ZFHX3: variants seen among roughly 807,000 people sequenced by gnomAD.
The protein encoded by ZFHX3 is zinc finger homeobox 3.
Under a neutral mutation model 279.1 loss-of-function variants are expected in ZFHX3, and 42 were observed. The observed-to-expected ratio is 0.15, with a 90% CI of 0.12 to 0.19. The LOEUF (loss-of-function observed/expected upper bound fraction) is 0.19. Among genes scored for constraint, ZFHX3 ranks in the 10% least tolerant of loss-of-function variants. The pLI, the probability that ZFHX3 is intolerant of heterozygous loss-of-function variation, is 1.00. For missense variants in ZFHX3, 4,981 were observed against 4,754.0 expected (o/e 1.05, Z -1.40); for synonymous variants, 2,293 against 1,957.8 (o/e 1.17, Z -4.52).
chr16:73,003,623 C>T (rs1963585054), intron 1 of ZFHX3, among the ~76,000 whole-genome samples: 1 of 151,860 alleles, frequency 6.6e-6, no homozygotes, highest in Admixed American at 6.6e-5. Flanking sequence ...GGAGAGTCGC[C>T]TGAACCAGGG....
intron 5 of ZFHX3, among the ~76,000 whole-genome samples, chr16:73,149,073 G>A (rs976941473): frequency 6.7e-6 from 1 of 148,350 alleles, no homozygotes; most frequent in African/African-American, 2.5e-5. Flanking sequence ...AATAGGGCCT[G>A]GCTCATAGTG....
chr16:72,963,937 G>A (rs1296876877), intron 1 of ZFHX3, among the ~76,000 whole-genome samples: 2 of 152,204 alleles, frequency 1.3e-5, no homozygotes, highest in African/African-American at 4.8e-5. Flanking sequence ...TGTCTGGTAG[G>A]AAACCAAGAA....
intron 4 of ZFHX3, among the ~76,000 whole-genome samples, chr16:73,285,817 G>A (rs893325920): frequency 6.6e-6 from 1 of 152,064 alleles, no homozygotes; most frequent in Non-Finnish European, 1.5e-5. Context: ...TTTGGCTGTT[G>A]TTTTTCAAAC....
chr16:72,842,769 C>T (rs1292497277), intron 4 of ZFHX3, among the ~76,000 whole-genome samples: 2 of 152,060 alleles, frequency 1.3e-5, no homozygotes, highest in South Asian at 2.1e-4. Flanking sequence ...AAGAGCTAGC[C>T]TATGAGTTGA....
At chr16:73,321,849 C>CAGAGAG (rs140029593) in intron 3 of ZFHX3, among the ~76,000 whole-genome samples, 58 of 150,978 alleles carry the variant, frequency 3.8e-4, no homozygotes, top group East Asian at 2.7e-3. Context: ...GAGAAAAAGA[C>CAGAGAG]AGAGAGAGAG....
chr16:73,729,678 G>A (rs112781959), intron 1 of ZFHX3, among the ~76,000 whole-genome samples: 11 of 152,020 alleles, frequency 7.2e-5, no homozygotes, highest in East Asian at 5.8e-4. Context: ...AACCTCTCCC[G>A]CAATCTTGGC....
intron 1 of ZFHX3, among the ~76,000 whole-genome samples, chr16:73,891,393 T>G (rs543370417): frequency 1.3e-5 from 2 of 152,056 alleles, no homozygotes; most frequent in Non-Finnish European, 2.9e-5. Context: ...CATATTCACA[T>G]GAGTTCCGTT....
intron 1 of ZFHX3, among the ~76,000 whole-genome samples, chr16:73,697,971 G>A (rs2053212843): frequency 6.6e-6 from 1 of 152,174 alleles, no homozygotes; most frequent in African/African-American, 2.4e-5. Context: ...AGGAACCAGG[G>A]CTCCTTAAAT....
chr16:73,693,497 C>A (rs2053167877), intron 1 of ZFHX3, among the ~76,000 whole-genome samples: 1 of 151,938 alleles, frequency 6.6e-6, no homozygotes, highest in African/African-American at 2.4e-5. Context: ...TAGCTCCCAG[C>A]ACCGCGGCAG....
intron 2 of ZFHX3, among the ~76,000 whole-genome samples, chr16:73,500,811 A>G (rs1018799458): frequency 2.6e-5 from 4 of 152,178 alleles, no homozygotes; most frequent in African/African-American, 9.6e-5. Context: ...TAAGTTTATA[A>G]AGGAAAAAAG....
chr16:72,853,816 A>C (rs1252440951), intron 4 of ZFHX3, among the ~76,000 whole-genome samples: 1 of 152,138 alleles, frequency 6.6e-6, no homozygotes, highest in Non-Finnish European at 1.5e-5. Flanking sequence ...AGAATGAAGA[A>C]ATCCAAAGAG....
chr16:73,145,119 C>T (rs1178378320), intron 5 of ZFHX3, among the ~76,000 whole-genome samples: 1 of 152,210 alleles, frequency 6.6e-6, no homozygotes, highest in African/African-American at 2.4e-5. Flanking sequence ...TGCTGATGGA[C>T]ACGCTTCTGA....
rs143912237 is a variant in ZFHX3 at position 72,786,570 on chromosome 16, A to C, written c.*594T>G. The C allele has an allele frequency of 1.5e-4, 23 of 151,226 alleles. No homozygotes were observed. Among genetic ancestry groups the C allele is most frequent in the Admixed American group, 2.6e-4 (4 of 15,194 alleles). The allele number at this position is 151,226 out of a possible 1,614,324, so 9.4% of individuals were successfully genotyped here. A position where few individuals can be genotyped will look rare whatever the true frequency, so the allele number is the denominator to read the frequency against. On this transcript the variant is annotated 3_prime_UTR_variant, in exon 10 of 10. Transcript: ENST00000268489. ...CCATTTTTAAGTTAACAAAACAAAAAATCTTTTCTGGAACAAAAAAAAAAA... is the reference window on the plus strand; with the variant it reads ...CCATTTTTAAGTTAACAAAACAAAACATCTTTTCTGGAACAAAAAAAAAAA...
intron 3 of ZFHX3, among the ~76,000 whole-genome samples, chr16:73,412,543 A>C (rs2017491892): frequency 6.6e-6 from 1 of 151,056 alleles, no homozygotes; most frequent in African/African-American, 2.4e-5. Context: ...TCCATCATCC[A>C]CCTTATCCTC....
At chr16:73,518,560 CAG>C (rs1360851947) in intron 2 of ZFHX3, among the ~76,000 whole-genome samples, 1 of 152,132 alleles carries the variant, frequency 6.6e-6, no homozygotes, top group African/African-American at 2.4e-5. Flanking sequence ...CCTGGTCTGA[CAG>C]GGGGAAGACT....
intron 3 of ZFHX3, among the ~76,000 whole-genome samples, chr16:72,925,439 G>A (rs1213172321): frequency 6.6e-6 from 1 of 152,238 alleles, no homozygotes; most frequent in Non-Finnish European, 1.5e-5. Flanking sequence ...CTGAATGCCA[G>A]GAAATTTCAG....
At chr16:73,573,460 C>G (rs551276529) in intron 2 of ZFHX3, among the ~76,000 whole-genome samples, 1 of 151,722 alleles carries the variant, frequency 6.6e-6, no homozygotes, top group African/African-American at 2.4e-5. Flanking sequence ...GGAGTTTTGC[C>G]TGCAAAAAAA....
At chr16:73,150,071 C>T (rs867401404) in intron 5 of ZFHX3, among the ~76,000 whole-genome samples, 2 of 152,098 alleles carry the variant, frequency 1.3e-5, no homozygotes, top group African/African-American at 2.4e-5. Flanking sequence ...ACCAAGCAGA[C>T]GGAGCTTTTG....
intron 1 of ZFHX3, among the ~76,000 whole-genome samples, chr16:73,722,598 G>C (rs2053483962): frequency 6.6e-6 from 1 of 152,164 alleles, no homozygotes; most frequent in African/African-American, 2.4e-5. Context: ...CAGATCTCTA[G>C]AAAAGTGTAC....
Sources: allele counts gnomAD v4.1 joint callset (sites outside exome capture counted in the v4.1 genomes callset), GRCh38; gene constraint gnomAD v4.1.1; transcripts MANE v1.5; gene names NCBI Gene and HGNC (gene_info 2026-07-23, HGNC 2026-07-21).